Variants in RHD observed in about 807,000 individuals in gnomAD.
The protein encoded by RHD is Rh blood group D antigen.
Under a neutral mutation model 45.5 loss-of-function variants are expected in RHD, and 16 were observed. That is an observed-to-expected ratio of 0.35 (90% CI 0.24 to 0.53). The LOEUF is 0.53. Ranked by LOEUF, RHD falls within the 20% of genes least tolerant of loss-of-function variation. The pLI is 0.92. For synonymous variants in RHD, 131 were observed against 217.5 expected (o/e 0.60, Z 3.50); for missense variants, 306 against 532.0 (o/e 0.58, Z 4.18).
intron 2 of RHD, among the ~76,000 whole-genome samples, chr1:25,287,576 G>A (rs1468057583): frequency 7.4e-6 from 1 of 134,996 alleles, no homozygotes; most frequent in African/African-American, 2.6e-5. Context: ...ACTTGGGACT[G>A]ATTTGGTTCT....
In RHD at chr1:25,313,326, T is replaced by A. The variant is rs1234532652; in HGVS notation, c.1074-3674T>A. On this transcript the variant is annotated intron_variant, in intron 7 of 9. Coordinates refer to ENST00000328664, the MANE Select transcript of RHD (RefSeq NM_016124.6). The stretch of plus-strand genomic sequence containing the variant: ...AGCCTCCAGAACCATGAGCTATATA[T>A]ACTTATTTTACAAATTACCCATTCT... Among the ~76,000 whole-genome samples, 23 of 132,400 alleles carry A rather than the reference T, an allele frequency of 1.7e-4. 4 individuals carry two copies. Among genetic ancestry groups the A allele is most frequent in the Non-Finnish European group, 3.4e-4 (19 of 55,826 alleles). 86.9% of individuals were successfully genotyped at this position (132,400 alleles called of 152,430 possible).
Position 25,278,708 on chromosome 1 carries a change from T to C in RHD, c.149-5865T>C, listed in dbSNP as rs584015. Among the ~76,000 whole-genome samples the C allele has an allele frequency of 1.0e-3, 137 of 132,288 alleles. 14 individuals carry two copies. Among genetic ancestry groups the C allele is most frequent in the Middle Eastern group, 4.1e-3 (1 of 244 alleles). The allele number at this position is 132,288 out of a possible 152,430, so 86.8% of individuals were successfully genotyped here. On this transcript the variant is annotated intron_variant, in intron 1 of 9. Transcript: ENST00000328664. The stretch of plus-strand genomic sequence containing the variant: ...CTCAGTCCCCCATCCCCACCCCATA[T>C]TCCTCAAAGGCAGAGAGAGGGGCTA...
rs1384456472 is a variant in RHD at position 25,309,484 on chromosome 1, A to C, written c.1073+2755A>C. 1.5e-5 allele frequency among the ~76,000 whole-genome samples: 2 copies of C among 131,524 alleles called. 1 individual carries two copies. The highest frequency in any genetic ancestry group is 3.6e-5 in the Non-Finnish European group (2 of 55,938). 86.3% of individuals were successfully genotyped at this position (131,524 alleles called of 152,430 possible). A position where few individuals can be genotyped will look rare whatever the true frequency, so the allele number is the denominator to read the frequency against. ...GTATCTCTTTTTACAGCTACCTCCC[A>C]TTTCCCTTCTATTTCAAGCTAGTAA... On this transcript the variant is annotated intron_variant, in intron 7 of 9. Transcript: ENST00000328664.
At chr1:25,312,442 CAAGTT>C (rs1188183331) in intron 7 of RHD, among the ~76,000 whole-genome samples, 1 of 121,990 alleles carries the variant, frequency 8.2e-6, no homozygotes. Flanking sequence ...GGTGCTGGAA[CAAGTT>C]AAGACTTTGG....
Position 25,329,209 on chromosome 1 carries a change from A to C in RHD, c.*285A>C, listed in dbSNP as rs1235700376. On this transcript the variant is annotated 3_prime_UTR_variant, in exon 10 of 10. Coordinates refer to ENST00000328664, the MANE Select transcript of RHD (RefSeq NM_016124.6). ...CATATATGATGGTGGTCATCCAGTAAGCTAAGGTTAATTTATTATTATTCC... is the reference window on the plus strand; with the variant it reads ...CATATATGATGGTGGTCATCCAGTACGCTAAGGTTAATTTATTATTATTCC... 4.1e-5 allele frequency: 27 copies of C among 658,086 alleles called. 8 individuals carry two copies. Among genetic ancestry groups the C allele is most frequent in the Admixed American group, 1.1e-4 (4 of 34,846 alleles). 40.8% of individuals were successfully genotyped at this position (658,086 alleles called of 1,614,324 possible).
At chr1:25,291,715 C>T (rs2124644724) in intron 3 of RHD, among the ~76,000 whole-genome samples, 1 of 132,626 alleles carries the variant, frequency 7.5e-6, no homozygotes, top group South Asian at 2.3e-4. Flanking sequence ...TTCTTTCAGT[C>T]AGTGCGTGTC....
chr1:25,314,508 T>G (rs1644331350), intron 7 of RHD, among the ~76,000 whole-genome samples: 1 of 132,554 alleles, frequency 7.5e-6, no homozygotes, highest in Admixed American at 7.4e-5. Flanking sequence ...CTTTCTTTCT[T>G]TTTGAAACAG....
In RHD at chr1:25,289,221, G is replaced by C. The variant is rs1255234189; in HGVS notation, c.336-1420G>C. On this transcript the variant is annotated intron_variant, in intron 2 of 9. Transcript: ENST00000328664. ...ATTTTTTTTGTGTGTGTGTGAGGCAGTCTTACTCTGTTGCCCAGGCTGGAG... is the reference window on the plus strand; with the variant it reads ...ATTTTTTTTGTGTGTGTGTGAGGCACTCTTACTCTGTTGCCCAGGCTGGAG... Among the ~76,000 whole-genome samples the C allele has an allele frequency of 1.5e-5, 2 of 132,660 alleles. 1 individual carries two copies. Among genetic ancestry groups the C allele is most frequent in the Non-Finnish European group, 3.6e-5 (2 of 55,938 alleles). The allele number at this position is 132,660 out of a possible 152,430, so 87.0% of individuals were successfully genotyped here. A position where few individuals can be genotyped will look rare whatever the true frequency, so the allele number is the denominator to read the frequency against.
Position 25,322,473 on chromosome 1 carries a change from G to C in RHD, c.1227+511G>C, listed in dbSNP as rs1309923440. On this transcript the variant is annotated intron_variant, in intron 9 of 9. Coordinates refer to ENST00000328664, the MANE Select transcript of RHD (RefSeq NM_016124.6). ...CGATCACCTGAGGCCAGGAGTTCGA[G>C]ACCAGCCTGGCCAACGTGTCGAAAC... Among the ~76,000 whole-genome samples the C allele has an allele frequency of 3.8e-5, 5 of 132,656 alleles. 2 individuals carry two copies. Among genetic ancestry groups the C allele is most frequent in the Non-Finnish European group, 8.9e-5 (5 of 55,918 alleles). The allele number at this position is 132,656 out of a possible 152,430, so 87.0% of individuals were successfully genotyped here. A position where few individuals can be genotyped will look rare whatever the true frequency, so the allele number is the denominator to read the frequency against.
chr1:25,315,818 A>G (rs1343726260), intron 7 of RHD, among the ~76,000 whole-genome samples: 2 of 130,742 alleles, frequency 1.5e-5, no homozygotes. Context: ...TCTAGTCTGC[A>G]GGTAATTCTT....
chr1:25,285,111 T>A (rs1212840717), intron 2 of RHD, among the ~76,000 whole-genome samples: 3 of 133,274 alleles, frequency 2.3e-5, no homozygotes, highest in African/African-American at 7.8e-5. Context: ...GAAATAGACA[T>A]GCCACACCTA....
rs1264683771 is a variant in RHD, at chr1:25,315,739, G to A, written c.1074-1261G>A. ...TCTCCATCTCCTGACCTCATGATCT[G>A]CCCGCCTCGGCCTCCCAAAGTGTGG... On this transcript the variant is annotated intron_variant, in intron 7 of 9. Coordinates refer to ENST00000328664, the MANE Select transcript of RHD (RefSeq NM_016124.6). Among the ~76,000 whole-genome samples the A allele has an allele frequency of 4.6e-5, 6 of 129,756 alleles. 1 individual carries two copies. Among genetic ancestry groups the A allele is most frequent in the East Asian group, 2.0e-4 (1 of 5,090 alleles). 85.1% of individuals were successfully genotyped at this position (129,756 alleles called of 152,430 possible). A position where few individuals can be genotyped will look rare whatever the true frequency, so the allele number is the denominator to read the frequency against.
chr1:25,291,393 C>T (rs1258962696), intron 3 of RHD, among the ~76,000 whole-genome samples: 1 of 131,650 alleles, frequency 7.6e-6, no homozygotes, highest in South Asian at 2.3e-4. Context: ...CGCTTGAACC[C>T]GAGAGGTGGA....
chr1:25,307,957 G>A lies in RHD; in HGVS notation c.1073+1228G>A, dbSNP rs1218977332. On this transcript the variant is annotated intron_variant, in intron 7 of 9. Coordinates refer to ENST00000328664, the MANE Select transcript of RHD (RefSeq NM_016124.6). ...GAACCTTTCCTGTCTCTGGGCCTGA[G>A]AGTTCCCCTCTGAAAGATGAGGACT... The A allele has an allele frequency of 4.1e-6, 3 of 728,942 alleles. No homozygotes were observed. The African/African-American group carries it at 5.4e-5, about 13-fold the overall frequency. 45.2% of individuals were successfully genotyped at this position (728,942 alleles called of 1,614,324 possible). A position where few individuals can be genotyped will look rare whatever the true frequency, so the allele number is the denominator to read the frequency against.
In RHD at chr1:25,276,955, T is replaced by G. The variant is rs1037816247; in HGVS notation, c.148+4260T>G. The stretch of plus-strand genomic sequence containing the variant: ...GGTGGCGGGTGCCTGTAGTCCCAGC[T>G]ACTTGGGAGGCTGAGGCAGGAGAAT... On this transcript the variant is annotated intron_variant, in intron 1 of 9. Coordinates refer to ENST00000328664, the MANE Select transcript of RHD (RefSeq NM_016124.6). Among the ~76,000 whole-genome samples the G allele has an allele frequency of 1.8e-4, 23 of 130,580 alleles. 3 individuals carry two copies. Among genetic ancestry groups the G allele is most frequent in the African/African-American group, 4.7e-4 (18 of 38,258 alleles). The allele number at this position is 130,580 out of a possible 152,430, so 85.7% of individuals were successfully genotyped here.
Position 25,301,358 on chromosome 1 carries a change from G to T in RHD, c.635-162G>T, listed in dbSNP as rs537060558. Among the ~76,000 whole-genome samples the T allele has an allele frequency of 3.1e-5, 4 of 129,824 alleles. 1 individual carries two copies. The South Asian group carries it at 9.5e-4, about 31-fold the overall frequency. The allele number at this position is 129,824 out of a possible 152,430, so 85.2% of individuals were successfully genotyped here. ...CTTGTCTGTAAAATGTGGTTAGCTG[G>T]TATCAGCTTGAGAGCTCGGAGGGGA... On this transcript the variant is annotated intron_variant, in intron 4 of 9. Transcript: ENST00000328664.
chr1:25,320,826 G>C (rs1161627912), intron 8 of RHD, among the ~76,000 whole-genome samples: 3 of 131,330 alleles, frequency 2.3e-5, no homozygotes, highest in Admixed American at 2.2e-4. Flanking sequence ...CAGATCACTT[G>C]AGCTCAGGTG....
At position 25,303,487 on chromosome 1, in the gene RHD, T is replaced by G. The variant is rs1172564194; in HGVS notation, c.939+28T>G. 2 of 1,378,112 alleles carry G rather than the reference T, an allele frequency of 1.5e-6. 1 individual carries two copies. Among genetic ancestry groups the G allele is most frequent in the Non-Finnish European group, 2.0e-6 (2 of 978,178 alleles). The allele number at this position is 1,378,112 out of a possible 1,614,324, so 85.4% of individuals were successfully genotyped here. A position where few individuals can be genotyped will look rare whatever the true frequency, so the allele number is the denominator to read the frequency against. On this transcript the variant is annotated intron_variant, in intron 6 of 9. Coordinates refer to ENST00000328664, the MANE Select transcript of RHD (RefSeq NM_016124.6). ...AAGAAACTAGACAACTAACCTCCTC[T>G]GCTTTGGCTGAAGGCCAGCAGGACG...
chr1:25,319,948 G>T (rs1644607151), intron 8 of RHD, among the ~76,000 whole-genome samples: 1 of 131,034 alleles, frequency 7.6e-6, no homozygotes, highest in Non-Finnish European at 1.8e-5. Flanking sequence ...GCCCAGGCTG[G>T]AGTGCAATGG....
Sources: allele counts gnomAD v4.1 joint callset (sites outside exome capture counted in the v4.1 genomes callset), GRCh38; gene constraint gnomAD v4.1.1; transcripts MANE v1.5; gene names NCBI Gene and HGNC (gene_info 2026-07-23, HGNC 2026-07-21).